Variants in PCDHA5 observed in about 807,000 individuals in gnomAD.
PCDHA5 encodes the protein protocadherin alpha-5.
Under a neutral mutation model 61.6 loss-of-function variants are expected in PCDHA5, and 43 were observed. The observed-to-expected ratio is 0.70, with a 90% CI of 0.55 to 0.90. The LOEUF is 0.90. Among genes scored for constraint, PCDHA5 ranks in the 40% least tolerant of loss-of-function variants. The probability of loss-of-function intolerance (pLI) is 0.00; values close to 1 mark genes in which losing one functional copy is unlikely to be tolerated. For synonymous variants in PCDHA5, 627 were observed against 543.9 expected (o/e 1.15, Z -2.13); for missense variants, 1,298 against 1,222.7 (o/e 1.06, Z -0.92).
At position 140,848,738 on chromosome 5, in the gene PCDHA5, T is replaced by C. The variant is rs1554142405; in HGVS notation, c.2352+24611T>C. ...ACCTTCTGGAGGTAAATCTGCAGAA[T>C]GGCATTTTGTTTGTGAATTCTCGGA... On this transcript the variant is annotated intron_variant, in intron 1 of 3. Transcript: ENST00000529859. 9 of 1,592,802 alleles carry C rather than the reference T, an allele frequency of 5.7e-6. 1 individual carries two copies. Among genetic ancestry groups the C allele is most frequent in the Middle Eastern group, 1.7e-4 (1 of 5,866 alleles).
intron 3 of PCDHA5, among the ~76,000 whole-genome samples, chr5:141,007,967 G>A (rs1191510244): frequency 6.6e-6 from 1 of 152,176 alleles, no homozygotes; most frequent in Admixed American, 6.5e-5. Flanking sequence ...TTCTCTGGGT[G>A]TCTGTCATGT....
At chr5:140,968,969 A>C in intron 1 of PCDHA5, 2 of 1,614,230 alleles carry the variant, frequency 1.2e-6, no homozygotes. Flanking sequence ...CTACCGCTAC[A>C]CTGCGTATGG....
chr5:140,953,963 G>A lies in PCDHA5; in HGVS notation c.2353-24986G>A, dbSNP rs193094168. ...CATTGCTCCCCCAACAGGCCCCAGT[G>A]TGTGTTGTTCCCCTTCATATTTTCA... On this transcript the variant is annotated intron_variant, in intron 1 of 3. Transcript: ENST00000529859. Among the ~76,000 whole-genome samples the A allele has an allele frequency of 2.1e-3, 322 of 152,136 alleles. 11 individuals carry two copies. Among genetic ancestry groups the A allele is most frequent in the Admixed American group, 0.021 (314 of 15,274 alleles).
At chr5:140,829,876 C>G in intron 1 of PCDHA5, 2 of 1,613,910 alleles carry the variant, frequency 1.2e-6, no homozygotes, top group Non-Finnish European at 8.5e-7. Flanking sequence ...CGAAGGTGCG[C>G]GCAGTTGACG....
chr5:140,851,444 A>G (rs1182271875), intron 1 of PCDHA5: 1 of 917,790 alleles, frequency 1.1e-6, no homozygotes, highest in Non-Finnish European at 1.3e-6. Context: ...CAGTTGCTCC[A>G]CTTTAGGAAT....
At chr5:140,877,065 G>A (rs782807909) in intron 1 of PCDHA5, 7 of 1,613,044 alleles carry the variant, frequency 4.3e-6, no homozygotes, top group Non-Finnish European at 5.9e-6. Flanking sequence ...TGGAGCTGCT[G>A]CAGTTCCAGG....
At chr5:140,952,380 G>A (rs246035) in intron 1 of PCDHA5, among the ~76,000 whole-genome samples, 85,175 of 151,100 alleles carry the variant, frequency 0.56, 24,638 homozygotes, top group African/African-American at 0.69. Flanking sequence ...CCTCTGCCAG[G>A]TACCCTAAAC....
At position 140,833,643 on chromosome 5, in the gene PCDHA5, C is replaced by T. The variant is rs2150210110; in HGVS notation, c.2352+9516C>T. On this transcript the variant is annotated intron_variant, in intron 1 of 3. Coordinates refer to ENST00000529859, the MANE Select transcript of PCDHA5 (RefSeq NM_018908.3). Reference sequence around the variant, plus strand: ...GAATACTTCCTCCTCAAAAAGTTCACATGATACAAATTCTTCCCCTTCAAA... The same window carrying T: ...GAATACTTCCTCCTCAAAAAGTTCATATGATACAAATTCTTCCCCTTCAAA... Among the ~76,000 whole-genome samples the T allele has an allele frequency of 6.6e-5, 10 of 152,284 alleles. No homozygotes were observed. The East Asian group carries it at 1.4e-3, about 21-fold the overall frequency.
intron 1 of PCDHA5, chr5:140,870,723 C>A: frequency 1.9e-6 from 3 of 1,613,170 alleles, no homozygotes; most frequent in East Asian, 4.5e-5. Context: ...GCGATGCGGG[C>A]GTGCCGCCTC....
chr5:140,985,928 C>A (rs1001132600), intron 3 of PCDHA5, among the ~76,000 whole-genome samples: 2 of 151,534 alleles, frequency 1.3e-5, no homozygotes, highest in Non-Finnish European at 2.9e-5. Flanking sequence ...TTTAGTAGAG[C>A]CGGGGTTTCA....
rs148144382 is a variant in PCDHA5 at position 140,914,978 on chromosome 5, G to C, written c.2353-63971G>C. On this transcript the variant is annotated intron_variant, in intron 1 of 3. Coordinates refer to ENST00000529859, the MANE Select transcript of PCDHA5 (RefSeq NM_018908.3). ...TTTTTTTTTTCTGAGTCAGAGTCTT[G>C]CTCTGCTACCAGGCTGGAGTGCAGT... Among the ~76,000 whole-genome samples the C allele has an allele frequency of 8.9e-3, 1,161 of 130,768 alleles. 6 individuals are homozygous for C. Among genetic ancestry groups the C allele is most frequent in the African/African-American group, 0.022 (758 of 34,950 alleles). 85.8% of individuals were successfully genotyped at this position (130,768 alleles called of 152,430 possible).
At chr5:140,998,548 T>A (rs904925148) in intron 3 of PCDHA5, among the ~76,000 whole-genome samples, 7 of 149,880 alleles carry the variant, frequency 4.7e-5, no homozygotes, top group African/African-American at 1.7e-4. Context: ...CCTAATTTAA[T>A]GTCTAATTTA....
At chr5:140,848,597 C>A (rs151001396) in intron 1 of PCDHA5, 1 of 1,580,556 alleles carries the variant, frequency 6.3e-7, no homozygotes, top group Non-Finnish European at 8.7e-7. Context: ...TCCACTACTC[C>A]GTCCCGGAGG....
chr5:140,883,887 C>G (rs782749190), intron 1 of PCDHA5: 1 of 1,613,348 alleles, frequency 6.2e-7, no homozygotes, highest in South Asian at 1.1e-5. Flanking sequence ...GCGCGCGACT[C>G]TGGCGTGCCG....
intron 1 of PCDHA5, chr5:140,858,116 G>T: frequency 1.3e-6 from 2 of 1,597,882 alleles, no homozygotes; most frequent in Non-Finnish European, 1.7e-6. Context: ...GCCCGAGGTG[G>T]CCCTGGTGGA....
intron 1 of PCDHA5, chr5:140,883,658 G>T (rs573544891): frequency 6.2e-7 from 1 of 1,613,994 alleles, no homozygotes; most frequent in Non-Finnish European, 8.5e-7. Context: ...CACGGTGTTC[G>T]TGAAGGAAAA....
chr5:140,936,771 C>G (rs182480245), intron 1 of PCDHA5, among the ~76,000 whole-genome samples: 2 of 152,230 alleles, frequency 1.3e-5, no homozygotes, highest in South Asian at 4.1e-4. Flanking sequence ...TGTGTAAGTT[C>G]TCTCACTTTG....
intron 1 of PCDHA5, among the ~76,000 whole-genome samples, chr5:140,899,359 T>C (rs1247414230): frequency 6.6e-6 from 1 of 152,116 alleles, no homozygotes; most frequent in Non-Finnish European, 1.5e-5. Context: ...TTTTGAGATA[T>C]GTCCCATCAA....
At chr5:140,910,213 G>C (rs1375224674) in intron 1 of PCDHA5, among the ~76,000 whole-genome samples, 1 of 152,170 alleles carries the variant, frequency 6.6e-6, no homozygotes, top group African/African-American at 2.4e-5. Flanking sequence ...TGACCTGGAA[G>C]TTTTCTGCTT....
Sources: allele counts gnomAD v4.1 joint callset (sites outside exome capture counted in the v4.1 genomes callset), GRCh38; gene constraint gnomAD v4.1.1; transcripts MANE v1.5; gene names NCBI Gene and HGNC (gene_info 2026-07-23, HGNC 2026-07-21).